The following NUP210 variants were observed in gnomAD, a reference collection of about 807,000 sequenced individuals.
NUP210 encodes the protein nucleoporin 210.
Under a neutral mutation model 196.0 loss-of-function variants are expected in NUP210, and 151 were observed. That is an observed-to-expected ratio of 0.77 (90% CI 0.67 to 0.88). The LOEUF (loss-of-function observed/expected upper bound fraction) is 0.88. Ranked by LOEUF, NUP210 falls within the 40% of genes least tolerant of loss-of-function variation. NUP210 has a pLI of 0.00. For missense variants in NUP210, 2,314 were observed against 2,493.7 expected, an observed-to-expected ratio of 0.93 and a Z score of 1.53; for synonymous variants, 1,070 against 1,052.7, an observed-to-expected ratio of 1.02 and a Z score of -0.32.
At chr3:13,327,491 T>C in intron 31 of NUP210, 54 bp from the exon 32 acceptor site, 1 of 1,314,930 alleles carries the variant, frequency 7.6e-7, no homozygotes, top group Admixed American at 2.0e-5. Context: ...AGCTTCCAAC[T>C]CCCAAAGGGA....
chr3:13,339,791 A>G (rs2623505), intron 25 of NUP210, 63 bp downstream of exon 25: 2 of 1,463,558 alleles, frequency 1.4e-6, no homozygotes, highest in Non-Finnish European at 1.9e-6. Flanking sequence ...GTAGAACTCA[A>G]ACACAGTAAA....
intron 1 of NUP210, among the ~76,000 whole-genome samples, chr3:13,415,090 G>C (rs561257655): frequency 4.9e-4 from 74 of 152,270 alleles, no homozygotes; most frequent in Non-Finnish European, 7.9e-4. Context: ...ACAAAAATTA[G>C]CTGGGTATGT....
At chr3:13,322,565 C>T (rs1323325141) in intron 34 of NUP210, among the ~76,000 whole-genome samples, 2 of 152,248 alleles carry the variant, frequency 1.3e-5, no homozygotes. Context: ...AGCTTCAAGT[C>T]AGAATTTCAG....
intron 37 of NUP210, 41 bp downstream of exon 37, chr3:13,319,722 C>A: frequency 6.4e-7 from 1 of 1,569,344 alleles, no homozygotes; most frequent in East Asian, 2.3e-5. Flanking sequence ...CTGTCCCTCC[C>A]CATCCTGGTC....
chr3:13,351,855 T>A, intron 20 of NUP210, 24 bp downstream of exon 20: 2 of 1,492,914 alleles, frequency 1.3e-6, no homozygotes, highest in Non-Finnish European at 1.9e-6. Context: ...AAACCAACAG[T>A]GGGGACCGAT....
chr3:13,353,367 A>G (rs1164867913), intron 18 of NUP210, among the ~76,000 whole-genome samples, 187 bp downstream of exon 18: 1 of 152,118 alleles, frequency 6.6e-6, no homozygotes, highest in Non-Finnish European at 1.5e-5. Flanking sequence ...CCCACCTCCA[A>G]TGTACCTATT....
At chr3:13,419,960 C>T in intron 1 of NUP210, 100 bp downstream of exon 1, 1 of 768,444 alleles carries the variant, frequency 1.3e-6, no homozygotes. Context: ...GCGCGCCGCG[C>T]ACCTGCCGGC....
rs150049233 is a variant in NUP210 at position 13,413,309 on chromosome 3, T to C, written c.167+6751A>G. Among the ~76,000 whole-genome samples, 4 of 150,742 alleles carry C rather than the reference T, an allele frequency of 2.7e-5. No homozygotes were observed. In the East Asian group the frequency reaches 8.0e-4, roughly 30 times the overall value. On this transcript the variant is annotated intron_variant, in intron 1 of 39. Transcript: ENST00000254508. ...GGTGAAACCCCATCTCTACTAAAAA[T>C]ACAAAAAAAAGTTAGCCGGGCGTGG...
At chr3:13,344,296 G>A (rs1697635997) in intron 20 of NUP210, among the ~76,000 whole-genome samples, 1 of 152,208 alleles carries the variant, frequency 6.6e-6, no homozygotes, top group African/African-American at 2.4e-5. Flanking sequence ...TGTTTATGAT[G>A]GAATTCATAC....
chr3:13,349,418 A>G (rs751137469), intron 20 of NUP210, among the ~76,000 whole-genome samples: 1 of 152,160 alleles, frequency 6.6e-6, no homozygotes, highest in Non-Finnish European at 1.5e-5. Context: ...TTCCACCCAG[A>G]ACCCATTCGT....
At chr3:13,346,988 A>C in intron 20 of NUP210, 1 of 983,388 alleles carries the variant, frequency 1.0e-6, no homozygotes. Flanking sequence ...GGGGACGTGC[A>C]CCACTGTCCA....
chr3:13,392,476 T>C (rs982825812), intron 3 of NUP210, among the ~76,000 whole-genome samples: 2 of 152,220 alleles, frequency 1.3e-5, no homozygotes, highest in African/African-American at 4.8e-5. Context: ...ATGAAAACTC[T>C]ATGGTTTCCT....
At chr3:13,396,441 T>C (rs2124942767) in intron 3 of NUP210, among the ~76,000 whole-genome samples, 1 of 152,102 alleles carries the variant, frequency 6.6e-6, no homozygotes, top group East Asian at 1.9e-4. Context: ...TGACAAGAAT[T>C]TTAACCTACA....
rs775581174 is a variant in NUP210, at chr3:13,321,552, C to T, written c.5166+33G>A. ...AGGGCCTTCCTGATGCCCCTGACTC[C>T]GGCCTGGCCTGAGGCATGCAGATGC... On this transcript the variant is annotated intron_variant, in intron 36 of 39. Transcript: ENST00000254508. 2.9e-5 allele frequency: 46 copies of T among 1,595,680 alleles called. No individual in the cohort carries two copies. The East Asian group carries it at 7.0e-4, about 24-fold the overall frequency.
chr3:13,410,917 C>CAAAA (rs35395985), intron 1 of NUP210, among the ~76,000 whole-genome samples: 3 of 77,438 alleles, frequency 3.9e-5, no homozygotes, highest in Non-Finnish European at 7.0e-5. Context: ...GACTCTGTCT[C>CAAAA]AAAAAAAAAA....
intron 4 of NUP210, 45 bp from the exon 5 acceptor site, chr3:13,388,498 C>A: frequency 1.3e-6 from 2 of 1,559,720 alleles, no homozygotes; most frequent in Non-Finnish European, 1.7e-6. Context: ...CAAACCCCAA[C>A]ACAAGATTTG....
intron 28 of NUP210, among the ~76,000 whole-genome samples, chr3:13,333,934 A>G (rs1269618107): frequency 3.3e-5 from 5 of 152,210 alleles, no homozygotes; most frequent in Non-Finnish European, 5.9e-5. Context: ...ACTTGATATC[A>G]CTGTCAGGGA....
At chr3:13,351,143 A>T (rs982543428) in intron 20 of NUP210, among the ~76,000 whole-genome samples, 1 of 152,252 alleles carries the variant, frequency 6.6e-6, no homozygotes, top group African/African-American at 2.4e-5. Flanking sequence ...AAAACATAAA[A>T]ACTTAAAATA....
At chr3:13,403,895 G>C (rs1699920492) in intron 1 of NUP210, among the ~76,000 whole-genome samples, 1 of 152,136 alleles carries the variant, frequency 6.6e-6, no homozygotes, top group African/African-American at 2.4e-5. Context: ...TGTGCAACAG[G>C]AGTAAGATTC....
Sources: gnomAD v4.1 joint callset for allele counts (sites outside exome capture counted in the v4.1 genomes callset) on GRCh38, gnomAD v4.1.1 for gene constraint, MANE v1.5 for transcripts, NCBI Gene and HGNC (gene_info 2026-07-23, HGNC 2026-07-21) for gene names.